HEBP2: variants seen among roughly 807,000 people sequenced by gnomAD.
HEBP2 encodes the protein heme-binding protein 2.
In HEBP2, 27 loss-of-function variants were observed where a neutral mutation model predicts 23.1. The ratio of observed to expected loss-of-function variants is 1.17; its 90% CI spans 0.86 to 1.61. The LOEUF is 1.61. Ranked by LOEUF, HEBP2 falls within the 40% of genes most tolerant of loss-of-function variation. The pLI is 0.00. For synonymous variants in HEBP2, 99 were observed against 95.1 expected, an observed-to-expected ratio of 1.04 and a Z score of -0.24; for missense variants, 245 against 253.8, an observed-to-expected ratio of 0.97 and a Z score of 0.24.
intron 2 of HEBP2, 63 bp downstream of exon 2, chr6:138,405,343 T>C (rs1339101646): frequency 6.4e-7 from 1 of 1,569,256 alleles, no homozygotes; most frequent in East Asian, 2.2e-5. Flanking sequence ...TATTATTGAG[T>C]TTTAGCTTAT....
chr6:138,403,817 AACC>A (rs1243917060), upstream of HEBP2: 1 of 400,604 alleles, frequency 2.5e-6, no homozygotes, highest in Non-Finnish European at 4.4e-6. Context: ...AAAGTTCAGA[AACC>A]AGAACAGTTC....
In HEBP2 at chr6:138,421,477, C is replaced by G. The variant is rs1389448468; in HGVS notation, c.*8399C>G. The G allele has an allele frequency of 1.3e-5, 2 of 152,180 alleles. No individual in the cohort carries two copies. Among genetic ancestry groups the G allele is most frequent in the African/African-American group, 4.8e-5 (2 of 41,428 alleles). The allele number at this position is 152,180 out of a possible 1,614,324, so 9.4% of individuals were successfully genotyped here. On this transcript the variant is annotated 3_prime_UTR_variant, in exon 4 of 4. Transcript: ENST00000607197. ...CAGATCGCATTGAGGTTGTTTCCAA[C>G]TGACAGACCAAGCAGTAATTTGTTT... is the stretch of plus-strand genomic sequence containing the variant.
chr6:138,408,472 C>T (rs1774686881), intron 3 of HEBP2, among the ~76,000 whole-genome samples: 1 of 152,110 alleles, frequency 6.6e-6, no homozygotes, highest in South Asian at 2.1e-4. Context: ...ACAAATGTTC[C>T]TCATTTCCAT....
rs942931409 is a variant in HEBP2, at chr6:138,420,739, T to A, written c.*7661T>A. 1 of 152,218 alleles carries A rather than the reference T, an allele frequency of 6.6e-6. No individual in the cohort carries two copies. Among genetic ancestry groups the A allele is most frequent in the African/African-American group, 2.4e-5 (1 of 41,426 alleles). 9.4% of individuals were successfully genotyped at this position (152,218 alleles called of 1,614,324 possible). A position where few individuals can be genotyped will look rare whatever the true frequency, so the allele number is the denominator to read the frequency against. On this transcript the variant is annotated 3_prime_UTR_variant, in exon 4 of 4. Transcript: ENST00000607197. Reference sequence around the variant, plus strand: ...CCAATGAGTGACCTTTTTCCCAGAGTTCCCCTGGGATGGCAGCTCGCCTGC... The same window carrying A: ...CCAATGAGTGACCTTTTTCCCAGAGATCCCCTGGGATGGCAGCTCGCCTGC...
At position 138,416,686 on chromosome 6, in the gene HEBP2, G is replaced by A. The variant is rs1774847241; in HGVS notation, c.*3608G>A. ...CACTAAGCTCCAAATGGCAGCCGAG[G>A]GGTCCTGACCTGTAAAGTCTCATGG... is the stretch of plus-strand genomic sequence containing the variant. On this transcript the variant is annotated 3_prime_UTR_variant, in exon 4 of 4. Transcript: ENST00000607197. 6.6e-6 allele frequency: 1 copy of A among 152,222 alleles called. No homozygotes were observed. Among genetic ancestry groups the A allele is most frequent in the Non-Finnish European group, 1.5e-5 (1 of 68,070 alleles). 9.4% of individuals were successfully genotyped at this position (152,222 alleles called of 1,614,324 possible).
chr6:138,405,976 A>G lies in HEBP2; in HGVS notation c.244A>G (p.Lys82Glu). ...YIQGKNEKEM[K>E]IKMTAPVTSY... ...CTTTCATTTTTATGTCACAGAGATG[A>G]AAATAAAGATGACAGCTCCAGTGAC... is the stretch of plus-strand genomic sequence containing the variant. Residue 82 changes from lysine (K) to glutamate (E), a missense_variant, in exon 3 of 4, where the codon AAA (lysine) becomes GAA (glutamate). Transcript: ENST00000607197. 6.2e-7 allele frequency: 1 copy of G among 1,611,324 alleles called. No homozygotes were observed. The highest frequency in any genetic ancestry group is 1.1e-5 in the South Asian group (1 of 90,174).
At chr6:138,411,663 A>C (rs547148912) in intron 3 of HEBP2, among the ~76,000 whole-genome samples, 1 of 152,314 alleles carries the variant, frequency 6.6e-6, no homozygotes, top group Admixed American at 6.5e-5. Context: ...CCCTGTTTAA[A>C]ACCCTTCTCA....
At chr6:138,408,777 A>G (rs1396969996) in intron 3 of HEBP2, among the ~76,000 whole-genome samples, 1 of 152,088 alleles carries the variant, frequency 6.6e-6, no homozygotes, top group Non-Finnish European at 1.5e-5. Flanking sequence ...TGCCTGTTTT[A>G]GACCCTCATT....
upstream of HEBP2, chr6:138,403,649 G>C (rs1562237822): frequency 4.6e-6 from 2 of 434,480 alleles, no homozygotes; most frequent in Non-Finnish European, 8.2e-6. Flanking sequence ...CCGGCGGAAA[G>C]GGGGTGCTGG....
At chr6:138,406,750 G>T (rs1409524768) in intron 3 of HEBP2, among the ~76,000 whole-genome samples, 1 of 152,168 alleles carries the variant, frequency 6.6e-6, no homozygotes, top group Non-Finnish European at 1.5e-5. Flanking sequence ...TAGTGATTAG[G>T]TTTTCAAAAT....
Position 138,406,096 on chromosome 6 carries a change from C to T in HEBP2, c.364C>T (p.Pro122Ser), listed in dbSNP as rs1774640494. ...PSEQQFDPPR[P>S]LESDVFIEDR... ...TGAACAGCAATTTGATCCACCCAGG[C>T]CTTTAGAGTCAGATGTCTTCATTGA... The change falls in exon 3 of 4, where the codon CCT becomes TCT. Residue 122 changes from proline (P) to serine (S), a missense_variant. Physicochemically the swap from Pro to Ser is moderately conservative, Grantham distance 74. Transcript: ENST00000607197. 1.2e-6 allele frequency: 2 copies of T among 1,613,984 alleles called. No individual in the cohort carries two copies. The highest frequency in any genetic ancestry group is 2.7e-5 in the African/African-American group (2 of 74,916).
At chr6:138,410,804 A>T (rs574964567) in intron 3 of HEBP2, among the ~76,000 whole-genome samples, 13 of 152,310 alleles carry the variant, frequency 8.5e-5, no homozygotes, top group Admixed American at 2.6e-4. Flanking sequence ...TTCTTAACCC[A>T]TGGTTCAGAA....
At chr6:138,404,642 C>A in intron 1 of HEBP2, 45 bp downstream of exon 1, 1 of 1,210,214 alleles carries the variant, frequency 8.3e-7, no homozygotes, top group Non-Finnish European at 1.0e-6. Context: ...CGCCTTCCGG[C>A]TGATTTGCAG....
chr6:138,411,042 A>AT (rs1032999859), intron 3 of HEBP2, among the ~76,000 whole-genome samples: 5 of 152,156 alleles, frequency 3.3e-5, no homozygotes, highest in African/African-American at 1.2e-4. Flanking sequence ...GGTAGGATTG[A>AT]TTTTTTGCAC....
At chr6:138,410,310 G>C (rs1774722265) in intron 3 of HEBP2, among the ~76,000 whole-genome samples, 1 of 152,124 alleles carries the variant, frequency 6.6e-6, no homozygotes. Context: ...AGATCATTGT[G>C]AAACAACACA....
rs548841147 is a variant in HEBP2 at position 138,406,380 on chromosome 6, C to T, written c.419+229C>T. Among the ~76,000 whole-genome samples, 26 of 152,310 alleles carry T rather than the reference C, an allele frequency of 1.7e-4. No homozygotes were observed. The East Asian group carries it at 3.7e-3, about 21-fold the overall frequency. The stretch of plus-strand genomic sequence containing the variant: ...TATTGCATGCCCTTCATATAAGACA[C>T]GGTGCAAATTATATGCTCCCAAAAC... On this transcript the variant is annotated intron_variant, in intron 3 of 3. Transcript: ENST00000607197.
In HEBP2 at chr6:138,417,793, T is replaced by A. The variant is rs1488806358; in HGVS notation, c.*4715T>A. The stretch of plus-strand genomic sequence containing the variant: ...AGAAGAAACTACTTAAGCCAAGAAA[T>A]GAGTAACTGGAAATTAGTAGAGCAA... On this transcript the variant is annotated 3_prime_UTR_variant, in exon 4 of 4. Transcript: ENST00000607197. The A allele has an allele frequency of 6.6e-6, 1 of 152,204 alleles. No individual in the cohort carries two copies. Among genetic ancestry groups the A allele is most frequent in the Non-Finnish European group, 1.5e-5 (1 of 68,044 alleles). 9.4% of individuals were successfully genotyped at this position (152,204 alleles called of 1,614,324 possible). A position where few individuals can be genotyped will look rare whatever the true frequency, so the allele number is the denominator to read the frequency against.
At chr6:138,409,058 G>A (rs1259919049) in intron 3 of HEBP2, among the ~76,000 whole-genome samples, 2 of 151,040 alleles carry the variant, frequency 1.3e-5, no homozygotes, top group East Asian at 1.9e-4. Flanking sequence ...ACAGGGTCTC[G>A]CTCTGTTGTC....
rs1165592565 is a variant in HEBP2 at position 138,419,355 on chromosome 6, A to G, written c.*6277A>G. The G allele has an allele frequency of 6.6e-6, 1 of 152,258 alleles. No individual in the cohort carries two copies. Among genetic ancestry groups the G allele is most frequent in the Non-Finnish European group, 1.5e-5 (1 of 68,052 alleles). The allele number at this position is 152,258 out of a possible 1,614,324, so 9.4% of individuals were successfully genotyped here. ...CTCATTCTTTCCTAGAAGCACCAGC[A>G]GTTTATTCACACAAGGACAGACTTC... On this transcript the variant is annotated 3_prime_UTR_variant, in exon 4 of 4. Coordinates refer to ENST00000607197, the MANE Select transcript of HEBP2 (RefSeq NM_014320.3).
Sources: gnomAD v4.1 joint callset for allele counts (sites outside exome capture counted in the v4.1 genomes callset) on GRCh38, gnomAD v4.1.1 for gene constraint, MANE v1.5 for transcripts, NCBI Gene and HGNC (gene_info 2026-07-23, HGNC 2026-07-21) for gene names.